SH2D4B: variants seen among roughly 807,000 people sequenced by gnomAD.
SH2D4B encodes SH2 domain-containing protein 4B.
SH2D4B carries 45 observed loss-of-function variants against 61.5 expected under a neutral mutation model. The observed-to-expected ratio is 0.73, with a 90% CI of 0.58 to 0.94. The LOEUF (loss-of-function observed/expected upper bound fraction) is 0.94. SH2D4B is among the 40% of genes least tolerant of loss of function. The pLI is 0.00. For synonymous variants in SH2D4B, 224 were observed against 220.4 expected, an observed-to-expected ratio of 1.02 and a Z score of -0.14; for missense variants, 572 against 574.2, an observed-to-expected ratio of 1.00 and a Z score of 0.04.
intron 1 of SH2D4B, among the ~76,000 whole-genome samples, chr10:80,561,515 GA>G (rs1476569696): frequency 2.0e-5 from 3 of 152,102 alleles, no homozygotes; most frequent in African/African-American, 7.2e-5. Flanking sequence ...CATTCAAAAT[GA>G]AAAATAAACC....
At position 80,588,613 on chromosome 10, in the gene SH2D4B, T is replaced by C. The variant is rs371407993; in HGVS notation, c.496-17T>C. 112 of 1,613,394 alleles carry C rather than the reference T, an allele frequency of 6.9e-5. No individual in the cohort carries two copies. In the East Asian group the frequency reaches 1.7e-3, roughly 25 times the overall value. ...GTTGTGGTCATCTCGTGTTGTTCTG[T>C]TCCCATGACATTTTAGAGGAAAGAG... On this transcript the variant is annotated splice_polypyrimidine_tract_variant and intron_variant, in intron 3 of 7. Transcript: ENST00000646907.
rs12255365 is a variant in SH2D4B at position 80,572,809 on chromosome 10, G to C, written c.495+1231G>C. Among the ~76,000 whole-genome samples the C allele has an allele frequency of 7.4e-4, 111 of 149,232 alleles. 1 individual carries two copies. Among genetic ancestry groups the C allele is most frequent in the African/African-American group, 2.3e-3 (93 of 40,722 alleles). On this transcript the variant is annotated intron_variant, in intron 3 of 7. Coordinates refer to ENST00000646907, the MANE Select transcript of SH2D4B (RefSeq NM_001388272.1). The stretch of plus-strand genomic sequence containing the variant: ...TAATTTTTGTATTTTTAGTAGAGAC[G>C]GGGTTTCACCAGGTTGGTCAGGCTG...
chr10:80,641,738 T>G (rs1417381710), intron 7 of SH2D4B, among the ~76,000 whole-genome samples: 3 of 152,234 alleles, frequency 2.0e-5, no homozygotes, highest in African/African-American at 7.2e-5. Context: ...CAGGACAGAT[T>G]CCAGAGAAAG....
chr10:80,561,526 C>T (rs574536228), intron 1 of SH2D4B, among the ~76,000 whole-genome samples: 1 of 152,156 alleles, frequency 6.6e-6, no homozygotes, highest in East Asian at 1.9e-4. Context: ...AAAAATAAAC[C>T]AATGGATTTT....
rs1840368425 is a variant in SH2D4B, at chr10:80,644,845, T to C, written c.*760T>C. 6.6e-6 allele frequency: 1 copy of C among 152,230 alleles called. No homozygotes were observed. The highest frequency in any genetic ancestry group is 2.4e-5 in the African/African-American group (1 of 41,446). 9.4% of individuals were successfully genotyped at this position (152,230 alleles called of 1,614,324 possible). The stretch of plus-strand genomic sequence containing the variant: ...TCAATGCAAGAATGGTTCTTAGAAA[T>C]CTGATGAGGCCTCTGCTCTCTGGGA... On this transcript the variant is annotated 3_prime_UTR_variant, in exon 8 of 8. Transcript: ENST00000646907.
At position 80,644,917 on chromosome 10, in the gene SH2D4B, A is replaced by C. The variant is rs1218851686; in HGVS notation, c.*832A>C. The C allele has an allele frequency of 1.3e-5, 2 of 152,140 alleles. No individual in the cohort carries two copies. The highest frequency in any genetic ancestry group is 2.9e-5 in the Non-Finnish European group (2 of 68,014). The allele number at this position is 152,140 out of a possible 1,614,324, so 9.4% of individuals were successfully genotyped here. A position where few individuals can be genotyped will look rare whatever the true frequency, so the allele number is the denominator to read the frequency against. ...TACTCCAATGATTAGCTCTGTCCTC[A>C]TTGTCCTTTTAATTCCCTTGTCAAC... On this transcript the variant is annotated 3_prime_UTR_variant, in exon 8 of 8. Coordinates refer to ENST00000646907, the MANE Select transcript of SH2D4B (RefSeq NM_001388272.1).
At chr10:80,587,504 T>G (rs1471659227) in intron 3 of SH2D4B, among the ~76,000 whole-genome samples, 2 of 152,112 alleles carry the variant, frequency 1.3e-5, no homozygotes, top group African/African-American at 4.8e-5. Context: ...GTCTCAAACT[T>G]CTGACCTCAG....
intron 3 of SH2D4B, among the ~76,000 whole-genome samples, chr10:80,572,589 T>C (rs1589340062): frequency 6.6e-6 from 1 of 152,154 alleles, no homozygotes; most frequent in East Asian, 1.9e-4. Flanking sequence ...ACATTGGCCT[T>C]GCCTTGCCTT....
At chr10:80,637,448 C>A (rs1434402470) in intron 7 of SH2D4B, among the ~76,000 whole-genome samples, 1 of 152,044 alleles carries the variant, frequency 6.6e-6, no homozygotes, top group Non-Finnish European at 1.5e-5. Context: ...TTTGTGTCCT[C>A]TTTTATTTCG....
At chr10:80,605,837 T>C (rs1235700747) in intron 5 of SH2D4B, among the ~76,000 whole-genome samples, 1 of 152,196 alleles carries the variant, frequency 6.6e-6, no homozygotes, top group Non-Finnish European at 1.5e-5. Context: ...ATTTTCTAAA[T>C]TTGGGGGCAT....
chr10:80,544,454 GAC>G (rs746422240), intron 1 of SH2D4B, among the ~76,000 whole-genome samples: 28 of 152,354 alleles, frequency 1.8e-4, no homozygotes, highest in Middle Eastern at 3.4e-3. Flanking sequence ...ACCAATTCCA[GAC>G]ACAGAGTCAC....
intron 1 of SH2D4B, among the ~76,000 whole-genome samples, chr10:80,540,168 A>T (rs1841559367): frequency 6.6e-6 from 1 of 152,168 alleles, no homozygotes; most frequent in Non-Finnish European, 1.5e-5. Context: ...TTTTCTGGTA[A>T]TTAATTTTCT....
Position 80,538,355 on chromosome 10 carries a change from C to A in SH2D4B, c.24C>A (p.Asp8Glu). The A allele has an allele frequency of 7.2e-7, 1 of 1,380,312 alleles. No homozygotes were observed. Among genetic ancestry groups the A allele is most frequent in the Non-Finnish European group, 9.4e-7 (1 of 1,060,458 alleles). 85.5% of individuals were successfully genotyped at this position (1,380,312 alleles called of 1,614,324 possible). MLQQILHDMYIDPELLAE... is the reference protein window; with the variant it reads MLQQILHEMYIDPELLAE... ...TCATGCTGCAGCAGATCCTGCACGA[C>A]ATGTACATCGACCCCGAGCTCCTTG... Residue 8 changes from aspartate (D) to glutamate (E), a missense_variant, in exon 1 of 8, where the codon GAC becomes GAA. Transcript: ENST00000646907. This position sits in a 1 kb window ranked among gnomAD's most constrained non-coding sequence, Gnocchi z 4.8.
chr10:80,624,182 C>T (rs1405848401), intron 6 of SH2D4B, among the ~76,000 whole-genome samples: 1 of 152,202 alleles, frequency 6.6e-6, no homozygotes. Flanking sequence ...ACTTCTCTCT[C>T]TACACATACC....
intron 4 of SH2D4B, among the ~76,000 whole-genome samples, chr10:80,599,775 G>A (rs1385528201): frequency 6.6e-6 from 1 of 152,150 alleles, no homozygotes; most frequent in African/African-American, 2.4e-5. Flanking sequence ...CTTCCACCAA[G>A]GGACCATGGC....
At chr10:80,565,629 G>A (rs997416373) in intron 1 of SH2D4B, among the ~76,000 whole-genome samples, 2 of 152,192 alleles carry the variant, frequency 1.3e-5, no homozygotes, top group Non-Finnish European at 2.9e-5. Context: ...GTGCTGCAAT[G>A]GGTAATACTA....
chr10:80,615,500 C>T (rs1187995446), intron 6 of SH2D4B, among the ~76,000 whole-genome samples: 1 of 152,244 alleles, frequency 6.6e-6, no homozygotes, highest in Non-Finnish European at 1.5e-5. Flanking sequence ...TAGGCTCGGC[C>T]TGGGTTCTTT....
intron 6 of SH2D4B, among the ~76,000 whole-genome samples, chr10:80,625,175 G>GT (rs201967650): frequency 3.3e-5 from 5 of 150,046 alleles, no homozygotes; most frequent in South Asian, 2.1e-4. Flanking sequence ...CATTGAGAAC[G>GT]TTTTTTTTTC....
chr10:80,563,323 G>A (rs1159058807), intron 1 of SH2D4B, among the ~76,000 whole-genome samples: 1 of 152,086 alleles, frequency 6.6e-6, no homozygotes, highest in Non-Finnish European at 1.5e-5. Flanking sequence ...TGAGTTGTTT[G>A]AGTCCTTATA....
Sources: gnomAD v4.1 joint callset for allele counts (sites outside exome capture counted in the v4.1 genomes callset) on GRCh38, gnomAD v4.1.1 for gene constraint, Gnocchi (gnomAD v3.1) non-coding constraint, MANE v1.5 for transcripts, NCBI Gene and HGNC (gene_info 2026-07-23, HGNC 2026-07-21) for gene names.